DYNC1I1: variants seen among roughly 807,000 people sequenced by gnomAD.
DYNC1I1 encodes dynein cytoplasmic 1 intermediate chain 1, also known as cytoplasmic dynein 1 intermediate chain 1.
A neutral mutation model predicts 86.6 loss-of-function variants in DYNC1I1; 43 were observed. The observed-to-expected ratio is 0.50, with a 90% CI of 0.39 to 0.64. The LOEUF (loss-of-function observed/expected upper bound fraction) is 0.64, where lower values mean the gene tolerates loss of function less well. Among genes scored for constraint, DYNC1I1 ranks in the 30% least tolerant of loss-of-function variants. The pLI is 0.00. For missense variants in DYNC1I1, 604 were observed against 788.8 expected (o/e 0.77, Z 2.81); for synonymous variants, 262 against 283.7 (o/e 0.92, Z 0.77).
intron 1 of DYNC1I1, among the ~76,000 whole-genome samples, chr7:95,779,969 T>C (rs577523874): frequency 6.6e-6 from 1 of 152,286 alleles, no homozygotes; most frequent in East Asian, 1.9e-4. Context: ...AATATTTCAT[T>C]GAAGAAATGA....
intron 16 of DYNC1I1, among the ~76,000 whole-genome samples, chr7:96,103,512 T>C (rs930394385): frequency 1.3e-5 from 2 of 152,218 alleles, no homozygotes; most frequent in Non-Finnish European, 2.9e-5. Flanking sequence ...CTGAGTGATA[T>C]TGTTAGAACA....
At chr7:95,961,055 T>A (rs1272513856) in intron 6 of DYNC1I1, among the ~76,000 whole-genome samples, 3 of 152,214 alleles carry the variant, frequency 2.0e-5, no homozygotes, top group Non-Finnish European at 4.4e-5. Context: ...CAGAAAAATT[T>A]GGATTAGAAG....
intron 14 of DYNC1I1, among the ~76,000 whole-genome samples, chr7:96,072,493 A>C (rs185147763): frequency 2.4e-4 from 37 of 152,346 alleles, no homozygotes; most frequent in African/African-American, 8.2e-4. Context: ...CTGTGGAACA[A>C]TATTTCATTT....
At chr7:96,011,038 C>T (rs1345255657) in intron 10 of DYNC1I1, among the ~76,000 whole-genome samples, 1 of 152,146 alleles carries the variant, frequency 6.6e-6, no homozygotes, top group Non-Finnish European at 1.5e-5. Flanking sequence ...GGCCTGATTG[C>T]CTCGGGAAAA....
intron 6 of DYNC1I1, among the ~76,000 whole-genome samples, chr7:95,933,224 A>C (rs1791949625): frequency 6.6e-6 from 1 of 152,160 alleles, no homozygotes; most frequent in African/African-American, 2.4e-5. Context: ...ATAATCTCTA[A>C]ATATGAAAAT....
chr7:95,954,584 T>C (rs1792653155), intron 6 of DYNC1I1, among the ~76,000 whole-genome samples: 1 of 152,112 alleles, frequency 6.6e-6, no homozygotes. Context: ...ATTTTTAATA[T>C]TCTGACTTTA....
chr7:95,948,498 G>C (rs973005257), intron 6 of DYNC1I1, among the ~76,000 whole-genome samples: 1 of 152,148 alleles, frequency 6.6e-6, no homozygotes, highest in Non-Finnish European at 1.5e-5. Context: ...AGTGGGAGTG[G>C]CTTTGTTAAC....
intron 4 of DYNC1I1, among the ~76,000 whole-genome samples, chr7:95,821,474 G>A (rs1795075390): frequency 6.6e-6 from 1 of 152,064 alleles, no homozygotes; most frequent in African/African-American, 2.4e-5. Context: ...TTATTGGAAT[G>A]GAAAGAGCAA....
Position 96,076,161 on chromosome 7 carries a change from G to T in DYNC1I1, c.1614G>T (p.Gly538=). ...PALFACVDGM[G]RLDLWNLNND... ...TTTTTGCCTGCGTGGACGGGATGGGGCGCTTGGACCTCTGGAACCTCAACA... is the reference window on the plus strand; with the variant it reads ...TTTTTGCCTGCGTGGACGGGATGGGTCGCTTGGACCTCTGGAACCTCAACA... The change falls in exon 15 of 17, where the codon GGG becomes GGT. Residue 538 remains glycine (G), a synonymous_variant. Coordinates refer to ENST00000447467, the MANE Select transcript of DYNC1I1 (RefSeq NM_001135556.2). 1 of 1,614,180 alleles carries T rather than the reference G, an allele frequency of 6.2e-7. No homozygotes were observed. The highest frequency in any genetic ancestry group is 8.5e-7 in the Non-Finnish European group (1 of 1,180,026).
At chr7:96,003,112 G>C (rs752878562) in intron 10 of DYNC1I1, among the ~76,000 whole-genome samples, 1 of 152,138 alleles carries the variant, frequency 6.6e-6, no homozygotes, top group Non-Finnish European at 1.5e-5. Flanking sequence ...CAAAATGCTG[G>C]GATTACAGGC....
intron 4 of DYNC1I1, among the ~76,000 whole-genome samples, chr7:95,820,965 C>T (rs1360322747): frequency 1.3e-5 from 2 of 152,190 alleles, no homozygotes; most frequent in African/African-American, 4.8e-5. Flanking sequence ...CATGTAGTGA[C>T]ATCACGCTGA....
chr7:95,926,482 A>G (rs1017279736), intron 6 of DYNC1I1, among the ~76,000 whole-genome samples: 2 of 152,182 alleles, frequency 1.3e-5, no homozygotes, highest in Non-Finnish European at 2.9e-5. Flanking sequence ...AAAGACTGAA[A>G]TGGTTACAAA....
chr7:96,033,894 A>C (rs992220199), intron 12 of DYNC1I1, among the ~76,000 whole-genome samples: 1 of 152,044 alleles, frequency 6.6e-6, no homozygotes, highest in Non-Finnish European at 1.5e-5. Context: ...TCTGTAGTCC[A>C]TGTTCCTTGG....
intron 10 of DYNC1I1, among the ~76,000 whole-genome samples, chr7:96,003,107 T>C (rs927650426): frequency 6.6e-6 from 1 of 152,156 alleles, no homozygotes; most frequent in Non-Finnish European, 1.5e-5. Context: ...CCTTCCAAAA[T>C]GCTGGGATTA....
chr7:95,805,832 G>A (rs1220104531), intron 2 of DYNC1I1, among the ~76,000 whole-genome samples: 1 of 152,066 alleles, frequency 6.6e-6, no homozygotes, highest in Non-Finnish European at 1.5e-5. Context: ...TAAGGAAAAA[G>A]AAAACTTATT....
Position 95,970,817 on chromosome 7 carries a change from A to T in DYNC1I1, c.491-6695A>T, listed in dbSNP as rs1413857182. 3.3e-5 allele frequency among the ~76,000 whole-genome samples: 5 copies of T among 152,306 alleles called. No individual in the cohort carries two copies. In the East Asian group the frequency reaches 9.6e-4, roughly 29 times the overall value. On this transcript the variant is annotated intron_variant, in intron 6 of 16. Coordinates refer to ENST00000447467, the MANE Select transcript of DYNC1I1 (RefSeq NM_001135556.2). ...CAAAAAACTAATTTTACACGGTATG[A>T]GATGTGTTATTGTAGAGATATTTAC...
intron 7 of DYNC1I1, among the ~76,000 whole-genome samples, chr7:95,981,374 TA>T (rs1257178747): frequency 6.6e-6 from 1 of 152,026 alleles, no homozygotes; most frequent in Admixed American, 6.6e-5. Flanking sequence ...TATTTTCATA[TA>T]AAAAATAAGA....
intron 14 of DYNC1I1, among the ~76,000 whole-genome samples, chr7:96,047,928 T>C (rs1789266952): frequency 6.6e-6 from 1 of 152,030 alleles, no homozygotes; most frequent in Non-Finnish European, 1.5e-5. Context: ...CAAGTGACCA[T>C]GTCAGGTTTA....
intron 10 of DYNC1I1, among the ~76,000 whole-genome samples, chr7:96,003,225 C>A (rs551615778): frequency 6.6e-6 from 1 of 152,168 alleles, no homozygotes; most frequent in African/African-American, 2.4e-5. Context: ...TTGCCACTTG[C>A]GAGGTACAGA....
Sources: allele counts gnomAD v4.1 joint callset (sites outside exome capture counted in the v4.1 genomes callset), GRCh38; gene constraint gnomAD v4.1.1; transcripts MANE v1.5; gene names NCBI Gene and HGNC (gene_info 2026-07-23, HGNC 2026-07-21).